PGAP6: variants seen among roughly 807,000 people sequenced by gnomAD.
PGAP6 encodes post-GPI attachment to proteins factor 6.
In PGAP6, 62 loss-of-function variants were observed where a neutral mutation model predicts 68.4. The ratio of observed to expected loss-of-function variants is 0.91; its 90% CI spans 0.74 to 1.12. The LOEUF is 1.12. PGAP6 is among the 50% of genes most tolerant of loss of function. The probability of loss-of-function intolerance (pLI) is 0.00; values close to 1 mark genes in which losing one functional copy is unlikely to be tolerated. For synonymous variants in PGAP6, 575 were observed against 474.0 expected, an observed-to-expected ratio of 1.21 and a Z score of -2.77; for missense variants, 1,188 against 1,068.5, an observed-to-expected ratio of 1.11 and a Z score of -1.56.
chr16:386,135 G>T (rs1412812846), upstream of PGAP6, among the ~76,000 whole-genome samples: 1 of 152,094 alleles, frequency 6.6e-6, no homozygotes, highest in Non-Finnish European at 1.5e-5. Flanking sequence ...GGAGGGGAGG[G>T]TTGCTGGGTG....
Position 375,366 on chromosome 16 carries a change from T to C in PGAP6, c.1294A>G (p.Thr432Ala). ...NAASPFLGFN[T>A]SLNCTTAFFQ... ...ATACCTGTGGTGCAGTTGAGCGAAG[T>C]ATTGAAGCCAAGGAAGGGCGAGGCA... Residue 432 changes from threonine to alanine, a missense_variant, in exon 7 of 13, where the codon ACT becomes GCT. Physicochemically the swap from Thr to Ala is moderately conservative, Grantham distance 58. Transcript: ENST00000431232. 6.2e-7 allele frequency: 1 copy of C among 1,612,836 alleles called. No homozygotes were observed. The highest frequency in any genetic ancestry group is 8.5e-7 in the Non-Finnish European group (1 of 1,179,924).
At position 372,089 on chromosome 16, in the gene PGAP6, C is replaced by A. The variant is rs141574918; in HGVS notation, c.2214G>T (p.Pro738=). The change falls in exon 13 of 13, where the codon CCG becomes CCT. Residue 738 remains proline (P), a synonymous_variant. Transcript: ENST00000431232. ...LLAGSAALLL[P]PPDQPAEPWA... ...AGGGCTCGGCGGGCTGGTCAGGTGGCGGCAGCAGCAAGGCTGCGCTCCCGG... is the reference window on the plus strand; with the variant it reads ...AGGGCTCGGCGGGCTGGTCAGGTGGAGGCAGCAGCAAGGCTGCGCTCCCGG... The A allele has an allele frequency of 6.2e-7, 1 of 1,611,996 alleles. No individual in the cohort carries two copies. Among genetic ancestry groups the A allele is most frequent in the Non-Finnish European group, 8.5e-7 (1 of 1,179,830 alleles).
chr16:381,966 C>A lies in PGAP6; in HGVS notation c.-145G>T, dbSNP rs2054444045. 1.0e-6 allele frequency: 1 copy of A among 975,192 alleles called. No homozygotes were observed. Among genetic ancestry groups the A allele is most frequent in the African/African-American group, 1.8e-5 (1 of 56,322 alleles). 60.4% of individuals were successfully genotyped at this position (975,192 alleles called of 1,614,324 possible). The stretch of plus-strand genomic sequence containing the variant: ...TGGCCCGGCCGGTCCCCGCCGCCGT[C>A]GCCCCGGGCACTTCCGCCCGCAGGC... On this transcript the variant is annotated 5_prime_UTR_variant, in exon 1 of 13. Transcript: ENST00000431232.
At position 371,961 on chromosome 16, in the gene PGAP6, G is replaced by C; in HGVS notation, c.*26C>G. 6.2e-7 allele frequency: 1 copy of C among 1,600,534 alleles called. No homozygotes were observed. Among genetic ancestry groups the C allele is most frequent in the Non-Finnish European group, 8.5e-7 (1 of 1,172,802 alleles). On this transcript the variant is annotated 3_prime_UTR_variant, in exon 13 of 13. Transcript: ENST00000431232. ...CAGCTCCTGGCTGAAGAGGTCATCA[G>C]AGCAGCAGCTGTCCCCAGGCCAGTG...
chr16:382,274 G>A, upstream of PGAP6: 1 of 392,788 alleles, frequency 2.5e-6, no homozygotes. Flanking sequence ...GGGCTTCCCC[G>A]CCGGTTCGCT....
upstream of PGAP6, chr16:382,155 C>A (rs1212061247): frequency 1.1e-5 from 4 of 380,414 alleles, no homozygotes; most frequent in Non-Finnish European, 1.9e-5. Flanking sequence ...CGGGGGGACG[C>A]TGGAGGGAGG....
chr16:377,764 C>A lies in PGAP6; in HGVS notation c.206G>T (p.Arg69Leu). 1 of 1,591,724 alleles carries A rather than the reference C, an allele frequency of 6.3e-7. No individual in the cohort carries two copies. Among genetic ancestry groups the A allele is most frequent in the South Asian group, 1.1e-5 (1 of 87,864 alleles). ...CACAGCATCTGGGGGCACGCGGAAG[C>A]GGAAGAGCCTGGCACTGCCGTACCA... is the stretch of plus-strand genomic sequence containing the variant. ...YSWYGSARLF[R>L]FRVPPDAVLL... Residue 69 changes from arginine (R) to leucine (L), a missense_variant, in exon 2 of 13, where the codon CGC becomes CTC. By Grantham distance (102) the Arg-to-Leu change is moderately radical (BLOSUM62 -2). Transcript: ENST00000431232.
At chr16:372,404 G>T in intron 12 of PGAP6, 121 bp from the exon 13 acceptor site, 1 of 1,173,738 alleles carries the variant, frequency 8.5e-7, no homozygotes, top group South Asian at 1.4e-5. Flanking sequence ...ACAAGGGTGG[G>T]CTGCTTCGAG....
upstream of PGAP6, chr16:382,041 GA>G (rs2054445673): frequency 3.1e-6 from 2 of 641,660 alleles, no homozygotes; most frequent in African/African-American, 2.5e-5. Flanking sequence ...CGGGGGGCGG[GA>G]CCGGGGGGGG....
At chr16:382,272 C>T, upstream of PGAP6, 1 of 392,954 alleles carries the variant, frequency 2.5e-6, no homozygotes, top group Non-Finnish European at 4.5e-6. Flanking sequence ...CGGGGCTTCC[C>T]CGCCGGTTCG....
At chr16:378,916 C>T (rs116420242) in intron 1 of PGAP6, among the ~76,000 whole-genome samples, 2,030 of 152,314 alleles carry the variant, frequency 0.013, 47 homozygotes, top group African/African-American at 0.046. Flanking sequence ...GAGAAGGGCC[C>T]GTGGGAGACA....
At position 376,369 on chromosome 16, in the gene PGAP6, G is replaced by A; in HGVS notation, c.991C>T (p.Pro331Ser). Residue 331 changes from proline (P) to serine (S), a missense_variant, in exon 6 of 13, where the codon CCG becomes TCG. Transcript: ENST00000431232. ...CCCAGGTCCTGGTGGTCGGGGCTCGGGGACAGCAGACCAGAGGAGGCATTG... is the reference window on the plus strand; with the variant it reads ...CCCAGGTCCTGGTGGTCGGGGCTCGAGGACAGCAGACCAGAGGAGGCATTG... ...SFNASSGLLSPSPDHQDLGRS... is the reference protein window; with the variant it reads ...SFNASSGLLSSSPDHQDLGRS... 1 of 1,611,756 alleles carries A rather than the reference G, an allele frequency of 6.2e-7. No individual in the cohort carries two copies. Among genetic ancestry groups the A allele is most frequent in the Middle Eastern group, 1.7e-4 (1 of 6,050 alleles).
In PGAP6 at chr16:374,814, G is replaced by A. The variant is rs2054366375; in HGVS notation, c.1518C>T (p.Gly506=). 1.2e-6 allele frequency: 2 copies of A among 1,612,866 alleles called. No individual in the cohort carries two copies. Among genetic ancestry groups the A allele is most frequent in the Middle Eastern group, 1.6e-4 (1 of 6,082 alleles). Residue 506 remains glycine, a synonymous_variant, in exon 9 of 13, where the codon GGC becomes GGT. Coordinates refer to ENST00000431232, the MANE Select transcript of PGAP6 (RefSeq NM_021259.3). The part of the protein sequence containing the change: ...VPCLNDCGPY[G]QCLLLRRHSY... ...TGTGTCTGCGGAGCAGGAGGCACTG[G>A]CCATAGGGTCCACAATCGTTCAAAC... is the stretch of plus-strand genomic sequence containing the variant.
chr16:375,385 C>T lies in PGAP6; in HGVS notation c.1275G>A (p.Ser425=), dbSNP rs559732814. ...TVVVACVNAA[S]PFLGFNTSLN... ...GCGAAGTATTGAAGCCAAGGAAGGG[C>T]GAGGCAGCATTCACGCAGGCCACTA... Residue 425 remains serine (S), a synonymous_variant, in exon 7 of 13, where the codon TCG becomes TCA. Coordinates refer to ENST00000431232, the MANE Select transcript of PGAP6 (RefSeq NM_021259.3). 50 of 1,612,926 alleles carry T rather than the reference C, an allele frequency of 3.1e-5. No individual in the cohort carries two copies. Among genetic ancestry groups the T allele is most frequent in the African/African-American group, 2.7e-4 (20 of 75,018 alleles).
Position 376,805 on chromosome 16 carries a change from C to T in PGAP6, c.643G>A (p.Val215Ile). ...LSHPSYLKVF[V>I]PDYTRELLLE... ...AGAAGCTCCCGCGTGTAATCGGGGA[C>T]AAAGACCCTGCAGCGAGGGGACACA... Residue 215 changes from valine to isoleucine, a missense_variant, in exon 5 of 13, where the codon GTC (valine) becomes ATC (isoleucine). Val to Ile is a conservative substitution (Grantham distance 29). Coordinates refer to ENST00000431232, the MANE Select transcript of PGAP6 (RefSeq NM_021259.3). 1 of 1,606,188 alleles carries T rather than the reference C, an allele frequency of 6.2e-7. No individual in the cohort carries two copies.
chr16:376,992 G>A (rs773037167), intron 4 of PGAP6, 45 bp downstream of exon 4: 1 of 1,608,202 alleles, frequency 6.2e-7, no homozygotes, highest in Non-Finnish European at 8.5e-7. Context: ...AATCTGAGAA[G>A]GGGCCGGAGG....
rs190225281 is a variant in PGAP6, at chr16:376,099, G to A, written c.1224+37C>T. 6,412 of 1,560,576 alleles carry A rather than the reference G, an allele frequency of 4.1e-3. 17 individuals are homozygous for A. The highest frequency in any genetic ancestry group is 4.9e-3 in the Non-Finnish European group (5,697 of 1,152,312). On this transcript the variant is annotated intron_variant, in intron 6 of 12. Coordinates refer to ENST00000431232, the MANE Select transcript of PGAP6 (RefSeq NM_021259.3). ...GCAGGGGTTGCCCGGCGCCCTGCCC[G>A]AGCCCAGGCCACAGGCCGCTTGCAG...
chr16:377,284 C>A, intron 3 of PGAP6, 94 bp downstream of exon 3: 2 of 1,573,528 alleles, frequency 1.3e-6, no homozygotes, highest in Non-Finnish European at 8.6e-7. Flanking sequence ...CAGCGTGGAG[C>A]CTAGAGCGAG....
chr16:375,483 A>G (rs1567323849), intron 6 of PGAP6, 48 bp from the exon 7 acceptor site: 3 of 1,553,190 alleles, frequency 1.9e-6, no homozygotes, highest in South Asian at 2.2e-5. Flanking sequence ...CCCTGGCCGC[A>G]GTGGGGTCAT....
Sources: gnomAD v4.1 joint callset for allele counts (sites outside exome capture counted in the v4.1 genomes callset) on GRCh38, gnomAD v4.1.1 for gene constraint, MANE v1.5 for transcripts, NCBI Gene and HGNC (gene_info 2026-07-23, HGNC 2026-07-21) for gene names.